DPP6: variants seen among roughly 807,000 people sequenced by gnomAD.
DPP6 encodes the protein dipeptidyl peptidase like 6, also known as A-type potassium channel modulatory protein DPP6.
A neutral mutation model predicts 122.6 loss-of-function variants in DPP6; 69 were observed. The ratio of observed to expected loss-of-function variants is 0.56; its 90% confidence interval spans 0.46 to 0.69. The LOEUF (loss-of-function observed/expected upper bound fraction) is 0.69, where lower values mean the gene tolerates loss of function less well. DPP6 is among the 30% of genes least tolerant of loss of function. DPP6 has a pLI of 0.00. For synonymous variants in DPP6, 418 were observed against 433.1 expected, an observed-to-expected ratio of 0.97 and a Z score of 0.43; for missense variants, 928 against 1,116.9, an observed-to-expected ratio of 0.83 and a Z score of 2.41.
At chr7:154,383,750 C>A (rs539704576) in intron 1 of DPP6, among the ~76,000 whole-genome samples, 1 of 151,848 alleles carries the variant, frequency 6.6e-6, no homozygotes, top group African/African-American at 2.4e-5. Flanking sequence ...ATTAGCCAGG[C>A]ATGGTGGTGC....
At chr7:153,897,528 G>T (rs1799462541) in intron 1 of DPP6, among the ~76,000 whole-genome samples, 1 of 152,182 alleles carries the variant, frequency 6.6e-6, no homozygotes, top group African/African-American at 2.4e-5. Context: ...TTAGCTTGAA[G>T]CCTTTTAACT....
intron 8 of DPP6, among the ~76,000 whole-genome samples, chr7:154,752,809 C>G (rs1338227925): frequency 6.6e-6 from 1 of 152,192 alleles, no homozygotes; most frequent in African/African-American, 2.4e-5. Context: ...TGAGCTGCAG[C>G]TGTTGGCCCA....
At chr7:154,763,081 C>T (rs1445690544) in intron 8 of DPP6, among the ~76,000 whole-genome samples, 1 of 152,206 alleles carries the variant, frequency 6.6e-6, no homozygotes, top group Non-Finnish European at 1.5e-5. Context: ...CCTGTAATCC[C>T]AGCACTTTGG....
At chr7:154,362,649 T>C (rs2151100792) in intron 1 of DPP6, among the ~76,000 whole-genome samples, 1 of 151,050 alleles carries the variant, frequency 6.6e-6, no homozygotes, top group Admixed American at 6.6e-5. Flanking sequence ...GGTCTTGAAC[T>C]CCTGACCTCA....
chr7:153,823,508 T>C, the DPP6 span, among the ~76,000 whole-genome samples: 1 of 150,678 alleles, frequency 6.6e-6, no homozygotes, highest in African/African-American at 2.4e-5. Context: ...CAGACAGCCC[T>C]GTCCTGAAGC....
intron 13 of DPP6, among the ~76,000 whole-genome samples, chr7:154,801,668 C>T (rs12111875): frequency 6.6e-6 from 1 of 151,944 alleles, no homozygotes. Flanking sequence ...TGGTCACGTG[C>T]GAGAATGTGA....
rs1803013652 is a variant in DPP6, at chr7:154,070,115, G to A, written c.243+17052G>A. On this transcript the variant is annotated intron_variant, in intron 1 of 25. Coordinates refer to ENST00000377770, the MANE Select transcript of DPP6 (RefSeq NM_130797.4). ...CACACCGAGGTATCAGGTAATTGTGGACTGTGCCGTTCACTGTGTACTATC... is the reference window on the plus strand; with the variant it reads ...CACACCGAGGTATCAGGTAATTGTGAACTGTGCCGTTCACTGTGTACTATC... Among the ~76,000 whole-genome samples the A allele has an allele frequency of 1.3e-5, 2 of 151,458 alleles. 1 individual carries two copies. The highest frequency in any genetic ancestry group is 4.2e-4 in the South Asian group (2 of 4,752).
At chr7:154,496,050 A>G (rs1824710243) in intron 3 of DPP6, among the ~76,000 whole-genome samples, 1 of 152,242 alleles carries the variant, frequency 6.6e-6, no homozygotes, top group Non-Finnish European at 1.5e-5. Flanking sequence ...GTAATAGACA[A>G]TTTAGTAGGC....
At chr7:153,789,100 C>T in the DPP6 span, among the ~76,000 whole-genome samples, 1 of 152,158 alleles carries the variant, frequency 6.6e-6, no homozygotes, top group Admixed American at 6.5e-5. Flanking sequence ...AGCAGCCTTT[C>T]AGAAATGCTG....
chr7:154,630,660 C>T (rs562344220), intron 5 of DPP6, among the ~76,000 whole-genome samples: 1 of 152,280 alleles, frequency 6.6e-6, no homozygotes, highest in African/African-American at 2.4e-5. Context: ...TGGAAGCCAT[C>T]ATTCTCAGCA....
intron 1 of DPP6, among the ~76,000 whole-genome samples, chr7:153,935,756 C>G (rs1209206599): frequency 6.6e-6 from 1 of 152,194 alleles, no homozygotes; most frequent in Non-Finnish European, 1.5e-5. Context: ...TCCCCACCAC[C>G]ACGCGCTGCT....
intron 1 of DPP6, among the ~76,000 whole-genome samples, chr7:154,074,215 A>C (rs1216683976): frequency 6.6e-6 from 1 of 151,976 alleles, no homozygotes; most frequent in Non-Finnish European, 1.5e-5. Context: ...CAACAGGTGC[A>C]TGTCATAACC....
In DPP6 at chr7:154,885,570, A is replaced by G; in HGVS notation, c.2134-63A>G. The G allele has an allele frequency of 2.0e-6, 3 of 1,537,206 alleles. No homozygotes were observed. The South Asian group carries it at 3.6e-5, about 19-fold the overall frequency. On this transcript the variant is annotated intron_variant, in intron 21 of 25. Transcript: ENST00000377770. ...TGCTCTGGGGCTGTCTCCCTGCCCGAGGCTGCTTCATGCTGAGTTACTGCC... is the reference window on the plus strand; with the variant it reads ...TGCTCTGGGGCTGTCTCCCTGCCCGGGGCTGCTTCATGCTGAGTTACTGCC...
chr7:154,777,753 G>C (rs1022853454), intron 10 of DPP6, among the ~76,000 whole-genome samples: 6 of 152,018 alleles, frequency 3.9e-5, no homozygotes, highest in African/African-American at 1.4e-4. Context: ...TGATTCCCTG[G>C]CAAGCAGAGG....
At chr7:154,194,110 A>C (rs1005181793) in intron 1 of DPP6, among the ~76,000 whole-genome samples, 2 of 152,150 alleles carry the variant, frequency 1.3e-5, no homozygotes, top group Admixed American at 6.5e-5. Context: ...TACTTTGACA[A>C]AATTCTTATT....
intron 1 of DPP6, among the ~76,000 whole-genome samples, chr7:154,148,336 G>T (rs896883292): frequency 1.3e-5 from 2 of 149,032 alleles, no homozygotes; most frequent in African/African-American, 5.0e-5. Context: ...CAACGTTCCA[G>T]CCAGCGGGCC....
rs564631198 is a variant in DPP6, at chr7:154,784,301, G to T, written c.1137-9778G>T. On this transcript the variant is annotated intron_variant, in intron 10 of 25. Transcript: ENST00000377770. ...TAGGACAAGAGTGAGCCAGACCTCG[G>T]CCCCAGCTGTGCGGACACTTGCCTG... Among the ~76,000 whole-genome samples the T allele has an allele frequency of 5.5e-4, 83 of 152,182 alleles. 1 individual carries two copies. Among genetic ancestry groups the T allele is most frequent in the African/African-American group, 1.9e-3 (78 of 41,522 alleles).
the DPP6 span, among the ~76,000 whole-genome samples, chr7:153,874,551 T>G: frequency 6.6e-6 from 1 of 152,048 alleles, no homozygotes; most frequent in East Asian, 1.9e-4. Flanking sequence ...AATTTTTGTA[T>G]TTTTAGTAAA....
intron 1 of DPP6, among the ~76,000 whole-genome samples, chr7:153,941,110 A>G (rs1368603788): frequency 1.3e-5 from 2 of 152,220 alleles, no homozygotes; most frequent in Admixed American, 6.5e-5. Context: ...GGGTTAGAGA[A>G]ATGTGCATTG....
Sources: allele counts gnomAD v4.1 joint callset (sites outside exome capture counted in the v4.1 genomes callset), GRCh38; gene constraint gnomAD v4.1.1; transcripts MANE v1.5; gene names NCBI Gene and HGNC (gene_info 2026-07-23, HGNC 2026-07-21).